Variants in GPR158 observed in about 807,000 individuals in gnomAD.
The protein encoded by GPR158 is G protein-coupled receptor 158.
GPR158 carries 30 observed loss-of-function variants against 78.2 expected under a neutral mutation model. The ratio of observed to expected loss-of-function variants is 0.38; its 90% CI spans 0.29 to 0.52. The LOEUF (loss-of-function observed/expected upper bound fraction) is 0.52, where lower values mean the gene tolerates loss of function less well. Among genes scored for constraint, GPR158 ranks in the 20% least tolerant of loss-of-function variants. GPR158 has a pLI of 0.83. For synonymous variants in GPR158, 581 were observed against 591.1 expected (o/e 0.98, Z 0.25); for missense variants, 1,463 against 1,523.5 (o/e 0.96, Z 0.66).
chr10:25,349,958 T>A (rs1003363165), intron 2 of GPR158, among the ~76,000 whole-genome samples: 1 of 151,974 alleles, frequency 6.6e-6, no homozygotes, highest in African/African-American at 2.4e-5. Context: ...AGTGGAATAA[T>A]GTTATGGAAA....
chr10:25,509,313 G>A (rs28361991), intron 5 of GPR158, among the ~76,000 whole-genome samples: 2,616 of 152,174 alleles, frequency 0.017, 67 homozygotes, highest in African/African-American at 0.06. Flanking sequence ...CATGGACTTC[G>A]TGCGCAGGGT....
chr10:25,515,419 G>A (rs1454551616), intron 5 of GPR158, among the ~76,000 whole-genome samples: 14 of 148,618 alleles, frequency 9.4e-5, no homozygotes, highest in Non-Finnish European at 1.5e-5. Context: ...TGCACATTGT[G>A]CAGGTTAGTT....
rs866555280 is a variant in GPR158, at chr10:25,404,758, G to A, written c.1112-7492G>A. On this transcript the variant is annotated intron_variant, in intron 3 of 10. Coordinates refer to ENST00000376351, the MANE Select transcript of GPR158 (RefSeq NM_020752.3). Reference sequence around the variant, plus strand: ...TTCTTTTCACATACCATATAGATTTGTGGAACTCTAGCAGTAAGCAGAATA... The same window carrying A: ...TTCTTTTCACATACCATATAGATTTATGGAACTCTAGCAGTAAGCAGAATA... Among the ~76,000 whole-genome samples the A allele has an allele frequency of 3.3e-5, 5 of 152,068 alleles. No individual in the cohort carries two copies. The East Asian group carries it at 9.6e-4, about 29-fold the overall frequency.
chr10:25,496,685 T>C (rs536409618), intron 5 of GPR158, among the ~76,000 whole-genome samples: 49 of 152,298 alleles, frequency 3.2e-4, no homozygotes, highest in Admixed American at 1.0e-3. Context: ...GAGCAGCATG[T>C]GGGTACACCT....
At chr10:25,413,538 A>G (rs1328512278) in intron 4 of GPR158, among the ~76,000 whole-genome samples, 3 of 152,276 alleles carry the variant, frequency 2.0e-5, no homozygotes, top group South Asian at 4.1e-4. Flanking sequence ...AACAAAACCT[A>G]AAGTTTCCAA....
intron 4 of GPR158, among the ~76,000 whole-genome samples, chr10:25,448,124 A>G (rs1160635291): frequency 6.7e-5 from 9 of 133,450 alleles, no homozygotes; most frequent in Non-Finnish European, 1.4e-4. Context: ...TCGTTCTGTC[A>G]CCCAGGCTGG....
At chr10:25,514,095 A>T (rs4623781) in intron 5 of GPR158, among the ~76,000 whole-genome samples, 65,740 of 151,738 alleles carry the variant, frequency 0.43, 14,510 homozygotes, top group African/African-American at 0.52. Context: ...ATGATCTAAG[A>T]GCTGTCAGTG....
intron 5 of GPR158, among the ~76,000 whole-genome samples, chr10:25,482,124 G>T (rs1186019714): frequency 1.3e-5 from 2 of 152,046 alleles, no homozygotes; most frequent in African/African-American, 4.8e-5. Flanking sequence ...ACCAATCTGG[G>T]ATGATGCTGT....
chr10:25,380,456 G>A (rs1834138827), intron 2 of GPR158, among the ~76,000 whole-genome samples: 2 of 152,036 alleles, frequency 1.3e-5, no homozygotes, highest in African/African-American at 4.8e-5. Context: ...CTATATTTAT[G>A]TATATAATGC....
intron 2 of GPR158, among the ~76,000 whole-genome samples, chr10:25,370,634 T>A (rs957162948): frequency 6.7e-6 from 1 of 148,228 alleles, no homozygotes; most frequent in African/African-American, 2.5e-5. Context: ...CTGAAAAAAA[T>A]GTATATTCTG....
rs1417000925 is a variant in GPR158, at chr10:25,546,691, A to G, written c.1405-4285A>G. Among the ~76,000 whole-genome samples, 5 of 152,318 alleles carry G rather than the reference A, an allele frequency of 3.3e-5. No homozygotes were observed. In the East Asian group the frequency reaches 9.7e-4, roughly 29 times the overall value. On this transcript the variant is annotated intron_variant, in intron 5 of 10. Coordinates refer to ENST00000376351, the MANE Select transcript of GPR158 (RefSeq NM_020752.3). ...GCTAGTGCCAATGTCACAGAAGTGA[A>G]TGAGAAAACCCATGGTTGTCACGGA...
At chr10:25,302,897 A>G (rs111949543) in intron 2 of GPR158, among the ~76,000 whole-genome samples, 2,417 of 152,290 alleles carry the variant, frequency 0.016, 70 homozygotes, top group African/African-American at 0.055. Context: ...AGAAACAGCA[A>G]TCAGATGATA....
chr10:25,593,899 C>A (rs1246477033), intron 8 of GPR158, among the ~76,000 whole-genome samples: 1 of 151,944 alleles, frequency 6.6e-6, no homozygotes, highest in Non-Finnish European at 1.5e-5. Context: ...AACATTGATG[C>A]TTTGTAGGCA....
At chr10:25,277,557 A>T (rs1854202780) in intron 2 of GPR158, among the ~76,000 whole-genome samples, 1 of 152,110 alleles carries the variant, frequency 6.6e-6, no homozygotes, top group Non-Finnish European at 1.5e-5. Flanking sequence ...CCAAACTTGA[A>T]GGAAATAAGA....
At chr10:25,382,233 C>T (rs1834164882) in intron 2 of GPR158, among the ~76,000 whole-genome samples, 1 of 152,124 alleles carries the variant, frequency 6.6e-6, no homozygotes. Flanking sequence ...CTTGCTCACT[C>T]GGCGAGATGT....
rs528255507 is a variant in GPR158, at chr10:25,502,577, A to G, written c.1404+35858A>G. On this transcript the variant is annotated intron_variant, in intron 5 of 10. Transcript: ENST00000376351. ...CCTGCTGGGTAATGAAGCACCAAAC[A>G]GTCGGTAGGTTTTTCAGTATGGGGG... Among the ~76,000 whole-genome samples the G allele has an allele frequency of 1.1e-3, 172 of 151,372 alleles. 1 individual carries two copies. The highest frequency in any genetic ancestry group is 4.0e-3 in the African/African-American group (167 of 41,466).
intron 5 of GPR158, among the ~76,000 whole-genome samples, chr10:25,527,354 G>A (rs1322201550): frequency 6.6e-6 from 1 of 151,958 alleles, no homozygotes; most frequent in African/African-American, 2.4e-5. Context: ...ACCATAAAAT[G>A]AATCCCTATA....
chr10:25,522,277 G>A (rs993296200), intron 5 of GPR158, among the ~76,000 whole-genome samples: 6 of 152,196 alleles, frequency 3.9e-5, no homozygotes, highest in African/African-American at 1.2e-4. Context: ...GCTAGTTCCT[G>A]TTAACCCCGT....
chr10:25,513,793 G>C (rs1197329018), intron 5 of GPR158, among the ~76,000 whole-genome samples: 1 of 152,032 alleles, frequency 6.6e-6, no homozygotes, highest in Non-Finnish European at 1.5e-5. Context: ...TCATTCAGTA[G>C]CAGGTTATTT....
Sources: allele counts gnomAD v4.1 joint callset (sites outside exome capture counted in the v4.1 genomes callset), GRCh38; gene constraint gnomAD v4.1.1; transcripts MANE v1.5; gene names NCBI Gene and HGNC (gene_info 2026-07-23, HGNC 2026-07-21).